The following HECW2 variants were observed in gnomAD, a reference collection of about 807,000 sequenced individuals.
HECW2 encodes E3 ubiquitin-protein ligase HECW2.
In HECW2, 61 loss-of-function variants were observed where a neutral mutation model predicts 175.2. The ratio of observed to expected loss-of-function variants is 0.35; its 90% CI spans 0.28 to 0.43. The LOEUF (loss-of-function observed/expected upper bound fraction) is 0.43. Ranked by LOEUF, HECW2 falls within the 20% of genes least tolerant of loss-of-function variation. The pLI, the probability that HECW2 is intolerant of heterozygous loss-of-function variation, is 1.00. For synonymous variants in HECW2, 671 were observed against 731.0 expected, an observed-to-expected ratio of 0.92 and a Z score of 1.32; for missense variants, 1,524 against 2,000.5, an observed-to-expected ratio of 0.76 and a Z score of 4.54.
At chr2:196,339,110 A>C (rs1692653297) in intron 3 of HECW2, among the ~76,000 whole-genome samples, 1 of 152,214 alleles carries the variant, frequency 6.6e-6, no homozygotes, top group Admixed American at 6.5e-5. Flanking sequence ...TAAAGTGTGA[A>C]GATGGGGGAT....
At chr2:196,239,034 A>G (rs780649549) in intron 21 of HECW2, 1 of 152,218 alleles carries the variant, frequency 6.6e-6, no homozygotes. Flanking sequence ...TATGTAAGGA[A>G]ATACTTGGAA....
At chr2:196,230,971 C>T (rs963223303) in intron 21 of HECW2, among the ~76,000 whole-genome samples, 3 of 151,454 alleles carry the variant, frequency 2.0e-5, no homozygotes, top group South Asian at 2.1e-4. Context: ...GGTGTGGTGG[C>T]GCATGCCTGT....
intron 2 of HECW2, among the ~76,000 whole-genome samples, chr2:196,364,136 T>A (rs1386169371): frequency 6.6e-6 from 1 of 152,210 alleles, no homozygotes; most frequent in African/African-American, 2.4e-5. Flanking sequence ...ACTCTGGTCC[T>A]CCAAGCAATG....
chr2:196,414,820 T>C (rs1695210457), intron 2 of HECW2, among the ~76,000 whole-genome samples: 1 of 152,052 alleles, frequency 6.6e-6, no homozygotes, highest in African/African-American at 2.4e-5. Flanking sequence ...ACCGTGCAGG[T>C]TATTGTCAGC....
intron 19 of HECW2, 96 bp from the exon 20 acceptor site, chr2:196,242,300 C>T (rs1688486190): frequency 2.0e-6 from 3 of 1,476,508 alleles, no homozygotes; most frequent in African/African-American, 1.4e-5. Context: ...ATCAACAAGT[C>T]AAATGAGGCA....
At chr2:196,248,002 C>T (rs1688710576) in intron 19 of HECW2, among the ~76,000 whole-genome samples, 1 of 152,208 alleles carries the variant, frequency 6.6e-6, no homozygotes, top group South Asian at 2.1e-4. Flanking sequence ...ACATCAAGCA[C>T]TACAATAATT....
chr2:196,330,351 A>G (rs1394494189), intron 4 of HECW2, among the ~76,000 whole-genome samples: 1 of 152,230 alleles, frequency 6.6e-6, no homozygotes, highest in African/African-American at 2.4e-5. Flanking sequence ...ATTAGGAAGA[A>G]AAACCTTCAT....
intron 1 of HECW2, among the ~76,000 whole-genome samples, chr2:196,482,833 C>T (rs1462675904): frequency 1.3e-5 from 2 of 152,106 alleles, no homozygotes; most frequent in African/African-American, 4.8e-5. Context: ...AAATGCAGAG[C>T]CTTTCTGAGT....
chr2:196,242,385 C>A, intron 19 of HECW2, 181 bp from the exon 20 acceptor site: 1 of 664,626 alleles, frequency 1.5e-6, no homozygotes, highest in Non-Finnish European at 2.5e-6. Context: ...TCTTAAGTGA[C>A]GTCCTCTTTG....
intron 2 of HECW2, among the ~76,000 whole-genome samples, chr2:196,411,854 T>C (rs1695121811): frequency 6.6e-6 from 1 of 152,064 alleles, no homozygotes; most frequent in Non-Finnish European, 1.5e-5. Flanking sequence ...CTACAAAAAC[T>C]ACAAAAACTA....
intron 4 of HECW2, among the ~76,000 whole-genome samples, chr2:196,333,280 T>C (rs1042140179): frequency 2.6e-5 from 4 of 152,096 alleles, no homozygotes; most frequent in Admixed American, 1.3e-4. Context: ...ATTTCATCTG[T>C]AGTGGTGGCA....
intron 2 of HECW2, among the ~76,000 whole-genome samples, chr2:196,412,683 GAT>G (rs1227850454): frequency 6.6e-6 from 1 of 152,192 alleles, no homozygotes; most frequent in Non-Finnish European, 1.5e-5. Context: ...GCCACATCTT[GAT>G]GCTACTATTT....
intron 1 of HECW2, among the ~76,000 whole-genome samples, chr2:196,571,891 T>A (rs1690402182): frequency 6.6e-6 from 1 of 152,036 alleles, no homozygotes; most frequent in Non-Finnish European, 1.5e-5. Context: ...CAAGAATCCA[T>A]CAAGGAATGA....
At chr2:196,244,993 G>A (rs1688594342) in intron 19 of HECW2, among the ~76,000 whole-genome samples, 1 of 152,148 alleles carries the variant, frequency 6.6e-6, no homozygotes, top group African/African-American at 2.4e-5. Context: ...AGAGTGTGTT[G>A]AGTAAATTAA....
At chr2:196,309,799 G>C (rs918783502) in intron 10 of HECW2, among the ~76,000 whole-genome samples, 1 of 152,148 alleles carries the variant, frequency 6.6e-6, no homozygotes, top group African/African-American at 2.4e-5. Context: ...ACCAGCTAAA[G>C]GAAACAGAGA....
chr2:196,216,861 G>T, intron 27 of HECW2, 147 bp downstream of exon 27: 1 of 545,222 alleles, frequency 1.8e-6, no homozygotes, highest in Non-Finnish European at 3.1e-6. Flanking sequence ...ACATAACCAT[G>T]CAATCAGGAG....
At chr2:196,350,140 G>T (rs1693118877) in intron 2 of HECW2, among the ~76,000 whole-genome samples, 1 of 152,148 alleles carries the variant, frequency 6.6e-6, no homozygotes, top group African/African-American at 2.4e-5. Context: ...GAGGCAGGCA[G>T]ATCACTTGAG....
intron 2 of HECW2, among the ~76,000 whole-genome samples, chr2:196,384,491 A>C (rs1694293811): frequency 6.6e-6 from 1 of 152,156 alleles, no homozygotes; most frequent in Non-Finnish European, 1.5e-5. Flanking sequence ...CTGAAGTGGG[A>C]GGATCACTTG....
Position 196,199,366 on chromosome 2 carries a change from C to A in HECW2, c.*1911G>T, listed in dbSNP as rs2105746931. ...ATAGAATACAGAGAGCTCTTCCTTT[C>A]TTATTTCCAGATTTCTATAACCCTT... On this transcript the variant is annotated 3_prime_UTR_variant, in exon 29 of 29. Coordinates refer to ENST00000644978, the MANE Select transcript of HECW2 (RefSeq NM_001348768.2). 1 of 152,664 alleles carries A rather than the reference C, an allele frequency of 6.6e-6. No individual in the cohort carries two copies. Among genetic ancestry groups the A allele is most frequent in the Non-Finnish European group, 1.5e-5 (1 of 67,998 alleles). 9.5% of individuals were successfully genotyped at this position (152,664 alleles called of 1,614,324 possible). A position where few individuals can be genotyped will look rare whatever the true frequency, so the allele number is the denominator to read the frequency against.
Sources: allele counts gnomAD v4.1 joint callset (sites outside exome capture counted in the v4.1 genomes callset), GRCh38; gene constraint gnomAD v4.1.1; transcripts MANE v1.5; gene names NCBI Gene and HGNC (gene_info 2026-07-23, HGNC 2026-07-21).